Variants in ZNF44 observed in about 807,000 individuals in gnomAD.
The protein encoded by ZNF44 is zinc finger protein 44.
ZNF44 carries 9 observed loss-of-function variants against 11.7 expected under a neutral mutation model. That is an observed-to-expected ratio of 0.77 (90% confidence interval 0.46 to 1.35). ZNF44 has a LOEUF of 1.35. ZNF44 is among the 40% of genes most tolerant of loss of function. ZNF44 has a pLI of 0.00. For synonymous variants in ZNF44, 224 were observed against 242.7 expected, an observed-to-expected ratio of 0.92 and a Z score of 0.72; for missense variants, 696 against 743.1, an observed-to-expected ratio of 0.94 and a Z score of 0.74.
At chr19:12,287,432 T>A (rs1290932046) in intron 1 of ZNF44, among the ~76,000 whole-genome samples, 1 of 152,114 alleles carries the variant, frequency 6.6e-6, no homozygotes, top group African/African-American at 2.4e-5. Context: ...GCCAGGATGG[T>A]CTTGATCTCC....
chr19:12,256,306 G>A (rs1354342314), intron 5 of ZNF44, among the ~76,000 whole-genome samples: 1 of 151,932 alleles, frequency 6.6e-6, no homozygotes, highest in African/African-American at 2.4e-5. Context: ...GGCCAACATG[G>A]TGAAACCTCA....
rs1235226256 is a variant in ZNF44, at chr19:12,273,452, T to C, written c.803A>G (p.Tyr268Cys). The change falls in exon 4 of 4, where the codon TAT becomes TGT. Residue 268 changes from tyrosine to cysteine, a missense_variant. Tyr to Cys is a radical substitution (Grantham distance 194). Coordinates refer to ENST00000355684, the MANE Select transcript of ZNF44 (RefSeq NM_016264.4). ...AGTGTGAGTTCTTTCATGTCTTAGA[T>C]ATGAACTGTAATCAGGGAAGGCTTT... The part of the protein sequence containing the change: ...CSKAFPDYSS[Y>C]LRHERTHTGE... 7 of 1,614,024 alleles carry C rather than the reference T, an allele frequency of 4.3e-6. No homozygotes were observed. Among genetic ancestry groups the C allele is most frequent in the Non-Finnish European group, 5.9e-6 (7 of 1,180,006 alleles).
intron 1 of ZNF44, among the ~76,000 whole-genome samples, chr19:12,280,120 G>T (rs1342862855): frequency 6.6e-6 from 1 of 152,116 alleles, no homozygotes; most frequent in Non-Finnish European, 1.5e-5. Flanking sequence ...TAGGGAGGCT[G>T]AGGCAGGACA....
chr19:12,260,074 T>C, intron 5 of ZNF44: 1 of 561,132 alleles, frequency 1.8e-6, no homozygotes, highest in Non-Finnish European at 3.4e-6. Flanking sequence ...CAGTCACAAC[T>C]TCACTATAAA....
downstream of ZNF44, among the ~76,000 whole-genome samples, chr19:12,267,240 C>T (rs559028789): frequency 1.3e-5 from 2 of 152,096 alleles, no homozygotes; most frequent in East Asian, 1.9e-4. Context: ...GACGGAGTTT[C>T]ACCTTGTTGG....
intron 1 of ZNF44, chr19:12,284,333 C>T (rs1324404346): frequency 5.8e-6 from 3 of 515,450 alleles, no homozygotes; most frequent in Non-Finnish European, 1.1e-5. Context: ...CAAGAAAACA[C>T]CAAATGGCTG....
chr19:12,260,508 A>G (rs576220057), intron 5 of ZNF44: 18 of 1,240,572 alleles, frequency 1.5e-5, no homozygotes, highest in African/African-American at 3.0e-5. Context: ...GGTGAAGCGG[A>G]AGCGGACCCG....
downstream of ZNF44, among the ~76,000 whole-genome samples, chr19:12,245,428 A>G (rs1916743882): frequency 6.6e-6 from 1 of 152,206 alleles, no homozygotes; most frequent in Non-Finnish European, 1.5e-5. Context: ...CATAATTGAG[A>G]ATGTGCACAT....
chr19:12,282,124 C>G (rs1599539834), intron 1 of ZNF44, among the ~76,000 whole-genome samples: 1 of 152,284 alleles, frequency 6.6e-6, no homozygotes, highest in Middle Eastern at 3.4e-3. Context: ...CATCTTCAAA[C>G]CAGGTAGCAG....
At chr19:12,269,273 C>T (rs933252570), downstream of ZNF44, among the ~76,000 whole-genome samples, 2 of 152,132 alleles carry the variant, frequency 1.3e-5, no homozygotes, top group African/African-American at 4.8e-5. Context: ...GCCTGTAATC[C>T]CAGCACTTTG....
chr19:12,274,348 C>A (rs957061648), intron 3 of ZNF44, among the ~76,000 whole-genome samples: 1 of 140,820 alleles, frequency 7.1e-6, no homozygotes, highest in African/African-American at 2.7e-5. Context: ...TCTCGGCTTG[C>A]TGCAACCTCC....
chr19:12,254,737 AAAT>A (rs149883732), intron 5 of ZNF44, among the ~76,000 whole-genome samples: 53 of 151,402 alleles, frequency 3.5e-4, no homozygotes, highest in Non-Finnish European at 5.6e-4. Flanking sequence ...TCCATCTCAA[AAAT>A]AATAATAATA....
chr19:12,225,991 G>A (rs1320536885), downstream of ZNF44, among the ~76,000 whole-genome samples: 1 of 152,190 alleles, frequency 6.6e-6, no homozygotes, highest in Non-Finnish European at 1.5e-5. Context: ...ACAGAAAATA[G>A]TAAGAATTGA....
intron 1 of ZNF44, among the ~76,000 whole-genome samples, chr19:12,235,823 G>A (rs1460856161): frequency 2.0e-5 from 3 of 151,978 alleles, no homozygotes; most frequent in South Asian, 2.1e-4. Context: ...GAGTATCCTG[G>A]GTCAACCCCA....
chr19:12,263,267 G>C (rs539475187), intron 5 of ZNF44, among the ~76,000 whole-genome samples: 14 of 151,844 alleles, frequency 9.2e-5, no homozygotes, highest in Admixed American at 7.9e-4. Context: ...TGTATTTTTA[G>C]TAGAGACGGG....
At chr19:12,247,513 G>A (rs868084867), downstream of ZNF44, 1 of 1,349,216 alleles carries the variant, frequency 7.4e-7, no homozygotes, top group South Asian at 1.2e-5. Context: ...TTACCACACT[G>A]TTTACATTCA....
At chr19:12,231,932 TAGGGAGACCC>T (rs1189622626) in intron 2 of ZNF44, among the ~76,000 whole-genome samples, 1 of 151,920 alleles carries the variant, frequency 6.6e-6, no homozygotes, top group African/African-American at 2.4e-5. Flanking sequence ...GAGAAAGAAA[TAGGGAGACCC>T]AGGGAACCAG....
rs563403198 is a variant in ZNF44 at position 12,260,754 on chromosome 19, C to A, written c.1913-10386G>T. Among the ~76,000 whole-genome samples, 231 of 152,312 alleles carry A rather than the reference C, an allele frequency of 1.5e-3. 4 individuals are homozygous for A. The highest frequency in any genetic ancestry group is 1.9e-4 in the East Asian group (1 of 5,186). ...ATCAAAAACTGTCAACTAAAGTCAGCTGAACCTAGAACCAGACTTGGTAGG... is the reference window on the plus strand; with the variant it reads ...ATCAAAAACTGTCAACTAAAGTCAGATGAACCTAGAACCAGACTTGGTAGG... On this transcript the variant is annotated intron_variant and NMD_transcript_variant, in intron 5 of 7. Coordinates refer to the ZNF44 transcript ENST00000393337.
At chr19:12,289,233 G>A (rs1341546792) in intron 1 of ZNF44, among the ~76,000 whole-genome samples, 1 of 152,008 alleles carries the variant, frequency 6.6e-6, no homozygotes, top group Non-Finnish European at 1.5e-5. Flanking sequence ...CCTCAGCCTG[G>A]GGAGGTCAAG....
Sources: allele counts gnomAD v4.1 joint callset (sites outside exome capture counted in the v4.1 genomes callset), GRCh38; gene constraint gnomAD v4.1.1; transcripts MANE v1.5; gene names NCBI Gene and HGNC (gene_info 2026-07-23, HGNC 2026-07-21).